DNER: variants seen among roughly 807,000 people sequenced by gnomAD.
DNER encodes the protein delta and Notch-like epidermal growth factor-related receptor.
DNER carries 33 observed loss-of-function variants against 78.2 expected under a neutral mutation model. The ratio of observed to expected loss-of-function variants is 0.42; its 90% CI spans 0.32 to 0.56. DNER has a LOEUF of 0.56. DNER is among the 20% of genes least tolerant of loss of function. The probability of loss-of-function intolerance (pLI) is 0.11; values close to 1 mark genes in which losing one functional copy is unlikely to be tolerated. For synonymous variants in DNER, 417 were observed against 384.8 expected, an observed-to-expected ratio of 1.08 and a Z score of -0.98; for missense variants, 918 against 975.3, an observed-to-expected ratio of 0.94 and a Z score of 0.78.
At chr2:229,387,705 A>G (rs1692923154) in intron 11 of DNER, among the ~76,000 whole-genome samples, 1 of 152,148 alleles carries the variant, frequency 6.6e-6, no homozygotes, top group South Asian at 2.1e-4. Context: ...TCAAACTTCT[A>G]TTAGTTCACC....
At chr2:229,669,387 T>TATATATATATATATAA (rs1553550577) in intron 1 of DNER, among the ~76,000 whole-genome samples, 1 of 151,010 alleles carries the variant, frequency 6.6e-6, no homozygotes, top group East Asian at 1.9e-4. Flanking sequence ...TATATATATA[T>TATATATATATATATAA]AAAAGAATGT....
At chr2:229,611,409 A>G (rs1467750528) in intron 1 of DNER, among the ~76,000 whole-genome samples, 1 of 152,262 alleles carries the variant, frequency 6.6e-6, no homozygotes, top group Middle Eastern at 3.2e-3. Flanking sequence ...GTGACACAAC[A>G]CATTAAAAGT....
At chr2:229,497,325 C>T (rs1695520277) in intron 6 of DNER, among the ~76,000 whole-genome samples, 1 of 151,762 alleles carries the variant, frequency 6.6e-6, no homozygotes, top group African/African-American at 2.4e-5. Flanking sequence ...AAGGATGTAA[C>T]AATAAATAAC....
At chr2:229,476,172 C>T (rs2154211285) in intron 7 of DNER, among the ~76,000 whole-genome samples, 1 of 152,280 alleles carries the variant, frequency 6.6e-6, no homozygotes, top group South Asian at 2.1e-4. Flanking sequence ...CACCCTGGCC[C>T]CTGCTCTGCC....
intron 1 of DNER, among the ~76,000 whole-genome samples, chr2:229,656,598 C>T (rs1434478329): frequency 6.6e-6 from 1 of 152,088 alleles, no homozygotes; most frequent in Non-Finnish European, 1.5e-5. Flanking sequence ...CTGTTATTCT[C>T]GGTACATTTC....
chr2:229,506,750 T>G (rs1295529185), intron 6 of DNER, among the ~76,000 whole-genome samples: 2 of 147,554 alleles, frequency 1.4e-5, no homozygotes, highest in African/African-American at 2.5e-5. Flanking sequence ...TTCCCACCTA[T>G]GAGTGAGAAC....
intron 1 of DNER, among the ~76,000 whole-genome samples, chr2:229,618,600 C>G (rs1015067888): frequency 6.6e-6 from 1 of 152,176 alleles, no homozygotes. Flanking sequence ...TCTGCCTTAA[C>G]AAGGCTTAGT....
chr2:229,618,200 G>A (rs948044535), intron 1 of DNER, among the ~76,000 whole-genome samples: 1 of 152,076 alleles, frequency 6.6e-6, no homozygotes, highest in Non-Finnish European at 1.5e-5. Flanking sequence ...AGGAAATAGT[G>A]AATCCAAAAT....
intron 12 of DNER, among the ~76,000 whole-genome samples, chr2:229,362,867 T>C (rs532606776): frequency 4.6e-5 from 7 of 152,248 alleles, no homozygotes; most frequent in Non-Finnish European, 1.0e-4. Flanking sequence ...ATAAGGCAGG[T>C]CAAAGAGCCG....
At chr2:229,482,375 TC>T (rs1447574649) in intron 6 of DNER, among the ~76,000 whole-genome samples, 3 of 152,192 alleles carry the variant, frequency 2.0e-5, no homozygotes, top group African/African-American at 7.2e-5. Context: ...ATAATTCATA[TC>T]CTATTACTCC....
At chr2:229,379,833 T>A (rs554009724) in intron 11 of DNER, among the ~76,000 whole-genome samples, 176 of 152,330 alleles carry the variant, frequency 1.2e-3, no homozygotes, top group Middle Eastern at 3.4e-3. Flanking sequence ...TCCACCAGAC[T>A]GGACTTAACA....
rs7588232 is a variant in DNER at position 229,507,148 on chromosome 2, G to A, written c.1147+5635C>T. On this transcript the variant is annotated intron_variant, in intron 6 of 12. Coordinates refer to ENST00000341772, the MANE Select transcript of DNER (RefSeq NM_139072.4). ...AAAGTTACTATTAAAACACAGTATT[G>A]TAATCTTATGGCACATCATTGTTTA... Among the ~76,000 whole-genome samples, 1,006 of 152,232 alleles carry A rather than the reference G, an allele frequency of 6.6e-3. 15 individuals are homozygous for A. The highest frequency in any genetic ancestry group is 0.023 in the African/African-American group (972 of 41,510).
intron 5 of DNER, among the ~76,000 whole-genome samples, chr2:229,522,191 CT>C (rs1228965248): frequency 6.6e-6 from 1 of 152,138 alleles, no homozygotes; most frequent in African/African-American, 2.4e-5. Context: ...TTGAAGTTTA[CT>C]TTACTACCCA....
At chr2:229,617,920 T>C (rs907852475) in intron 1 of DNER, among the ~76,000 whole-genome samples, 4 of 152,184 alleles carry the variant, frequency 2.6e-5, no homozygotes, top group Non-Finnish European at 5.9e-5. Context: ...TCACTGATTA[T>C]ATGATTGCAC....
At chr2:229,685,122 T>G (rs1268097606) in intron 1 of DNER, among the ~76,000 whole-genome samples, 2 of 152,214 alleles carry the variant, frequency 1.3e-5, no homozygotes, top group Non-Finnish European at 2.9e-5. Flanking sequence ...ACAACAAGTT[T>G]AGAGGACTCT....
chr2:229,495,947 T>C lies in DNER; in HGVS notation c.1147+16836A>G, dbSNP rs930016731. Among the ~76,000 whole-genome samples the C allele has an allele frequency of 5.9e-5, 9 of 152,342 alleles. No homozygotes were observed. In the East Asian group the frequency reaches 9.6e-4, roughly 16 times the overall value. ...AGGTTGAGGTGGGTGGTCAGTCTAATAACTTATTGGCCACATGTAAACCAT... is the reference window on the plus strand; with the variant it reads ...AGGTTGAGGTGGGTGGTCAGTCTAACAACTTATTGGCCACATGTAAACCAT... On this transcript the variant is annotated intron_variant, in intron 6 of 12. Transcript: ENST00000341772.
chr2:229,633,970 G>A (rs1237967085), intron 1 of DNER, among the ~76,000 whole-genome samples: 2 of 152,170 alleles, frequency 1.3e-5, no homozygotes, highest in Non-Finnish European at 2.9e-5. Flanking sequence ...TTAGAAAATA[G>A]GATACCAGAA....
chr2:229,530,839 T>A (rs541891726), intron 5 of DNER, among the ~76,000 whole-genome samples: 2 of 152,346 alleles, frequency 1.3e-5, no homozygotes, highest in African/African-American at 4.8e-5. Context: ...GAGTATGGAA[T>A]GATTCCCCTG....
At chr2:229,537,733 T>C (rs181203405) in intron 5 of DNER, among the ~76,000 whole-genome samples, 2 of 152,194 alleles carry the variant, frequency 1.3e-5, no homozygotes, top group Admixed American at 1.3e-4. Context: ...TGGGAGGTCA[T>C]TTTATTTTTC....
Sources: gnomAD v4.1 joint callset for allele counts (sites outside exome capture counted in the v4.1 genomes callset) on GRCh38, gnomAD v4.1.1 for gene constraint, MANE v1.5 for transcripts, NCBI Gene and HGNC (gene_info 2026-07-23, HGNC 2026-07-21) for gene names.